TP53BP2: variants seen among roughly 807,000 people sequenced by gnomAD.
The protein encoded by TP53BP2 is tumor protein p53 binding protein 2, also known as apoptosis-stimulating of p53 protein 2.
A neutral mutation model predicts 126.2 loss-of-function variants in TP53BP2; 62 were observed. That is an observed-to-expected ratio of 0.49 (90% CI 0.40 to 0.61). TP53BP2 has a LOEUF of 0.61. Among genes scored for constraint, TP53BP2 ranks in the 20% least tolerant of loss-of-function variants. The pLI is 0.00. For synonymous variants in TP53BP2, 485 were observed against 502.9 expected (o/e 0.96, Z 0.48); for missense variants, 1,215 against 1,402.8 (o/e 0.87, Z 2.14).
intron 15 of TP53BP2, among the ~76,000 whole-genome samples, chr1:223,790,156 G>C (rs113701794): frequency 0.031 from 4,697 of 151,998 alleles, 244 homozygotes; most frequent in African/African-American, 0.11. Context: ...TACTGGGGAG[G>C]CTGAGGCATG....
intron 1 of TP53BP2, among the ~76,000 whole-genome samples, chr1:223,823,815 C>T (rs774036051): frequency 2.7e-4 from 41 of 152,172 alleles, no homozygotes; most frequent in Non-Finnish European, 4.7e-4. Context: ...TACTCCCTAC[C>T]GATGCAAAAA....
At chr1:223,786,175 G>A (rs1481252773) in intron 16 of TP53BP2, among the ~76,000 whole-genome samples, 1 of 152,100 alleles carries the variant, frequency 6.6e-6, no homozygotes, top group Non-Finnish European at 1.5e-5. Context: ...TTATATAAAG[G>A]GCAAAAACAA....
At chr1:223,785,148 G>A (rs1661907452) in intron 16 of TP53BP2, among the ~76,000 whole-genome samples, 1 of 152,190 alleles carries the variant, frequency 6.6e-6, no homozygotes, top group African/African-American at 2.4e-5. Context: ...AAAGTTCTCA[G>A]CAATTCAGAA....
rs949135776 is a variant in TP53BP2, at chr1:223,796,996, C to A, written c.1949-406G>T. Among the ~76,000 whole-genome samples, 1 of 152,172 alleles carries A rather than the reference C, an allele frequency of 6.6e-6. No individual in the cohort carries two copies. The highest frequency in any genetic ancestry group is 1.5e-5 in the Non-Finnish European group (1 of 68,028). ...CTTTCACTTTTCAAAAGTGAATCAA[C>A]GTGAGAACTTCTATTTGGCTTATAA... On this transcript the variant is annotated intron_variant, in intron 12 of 17. Coordinates refer to ENST00000343537, the MANE Select transcript of TP53BP2 (RefSeq NM_001031685.3). The surrounding 1 kb of genome is among the most constrained non-coding windows in gnomAD (Gnocchi z 4.2).
intron 1 of TP53BP2, chr1:223,845,151 C>G: frequency 1.4e-6 from 1 of 709,918 alleles, no homozygotes; most frequent in Non-Finnish European, 1.7e-6. Context: ...TTTACCAAAA[C>G]CCCTTTCCAC....
Position 223,806,824 on chromosome 1 carries a change from C to CA in TP53BP2, c.474+21dup, listed in dbSNP as rs534735699. ...AGGCGACAGAGTGAGCATTCATCTCCAAAAAAAAAGGACGATACTACCTTA... is the reference window on the plus strand; with the variant it reads ...AGGCGACAGAGTGAGCATTCATCTCCAAAAAAAAAAGGACGATACTACCTTA... On this transcript the variant is annotated intron_variant, in intron 5 of 17. Coordinates refer to ENST00000343537, the MANE Select transcript of TP53BP2 (RefSeq NM_001031685.3). 1,355 of 1,536,544 alleles carry CA rather than the reference C, an allele frequency of 8.8e-4. 1 individual carries two copies. Among genetic ancestry groups the CA allele is most frequent in the Admixed American group, 1.6e-3 (94 of 57,382 alleles).
chr1:223,839,012 CTTTTT>C (rs75469632), intron 1 of TP53BP2, among the ~76,000 whole-genome samples: 2 of 140,730 alleles, frequency 1.4e-5, no homozygotes, highest in Non-Finnish European at 3.1e-5. Flanking sequence ...CCATTTTTTT[CTTTTT>C]TTTTTTTTTC....
In TP53BP2 at chr1:223,828,904, T is replaced by C. The variant is rs117790179; in HGVS notation, c.28-7537A>G. ...GAAAATGTTCTGTAATTAGTGGTGA[T>C]AGCAGCACAACCTTGTGAATATACT... On this transcript the variant is annotated intron_variant, in intron 1 of 17. Coordinates refer to ENST00000343537, the MANE Select transcript of TP53BP2 (RefSeq NM_001031685.3). 4.6e-3 allele frequency among the ~76,000 whole-genome samples: 694 copies of C among 152,238 alleles called. 27 individuals carry two copies. In the East Asian group the frequency reaches 0.1, roughly 23 times the overall value.
intron 1 of TP53BP2, among the ~76,000 whole-genome samples, chr1:223,840,470 GTTC>G (rs1383654155): frequency 6.6e-6 from 1 of 152,210 alleles, no homozygotes; most frequent in African/African-American, 2.4e-5. Context: ...CTTAATTCCT[GTTC>G]TTCTTATTCT....
intron 1 of TP53BP2, among the ~76,000 whole-genome samples, chr1:223,826,254 C>T (rs1663490727): frequency 6.6e-6 from 1 of 152,232 alleles, no homozygotes; most frequent in Admixed American, 6.5e-5. Context: ...TCTTTATAGG[C>T]TGGAGGTTCC....
chr1:223,807,431 C>T (rs969864076), intron 4 of TP53BP2, among the ~76,000 whole-genome samples: 3 of 152,084 alleles, frequency 2.0e-5, no homozygotes, highest in Non-Finnish European at 4.4e-5. Context: ...AACATCTATT[C>T]AACATTGTCC....
intron 1 of TP53BP2, chr1:223,834,725 C>A: frequency 1.4e-6 from 1 of 719,204 alleles, no homozygotes; most frequent in Non-Finnish European, 1.7e-6. Context: ...GAGTAGCTCA[C>A]CTGATTCCTA....
chr1:223,806,340 G>A (rs1354075330), intron 5 of TP53BP2, among the ~76,000 whole-genome samples: 2 of 152,054 alleles, frequency 1.3e-5, no homozygotes, highest in Non-Finnish European at 2.9e-5. Flanking sequence ...GAACAATTAG[G>A]ATGATACAAG....
intron 5 of TP53BP2, among the ~76,000 whole-genome samples, chr1:223,806,084 T>TC (rs150655998): frequency 0.017 from 2,612 of 152,122 alleles, 83 homozygotes; most frequent in African/African-American, 0.06. Context: ...TAAAGAATGT[T>TC]CCCCAAATAA....
chr1:223,803,749 G>T (rs1207050363), intron 6 of TP53BP2, among the ~76,000 whole-genome samples: 2 of 152,068 alleles, frequency 1.3e-5, no homozygotes, highest in African/African-American at 4.8e-5. Context: ...ACATTAGGTG[G>T]ATCTATTAAA....
chr1:223,845,472 A>T (rs893543566), intron 1 of TP53BP2, among the ~76,000 whole-genome samples, 182 bp downstream of exon 1: 9 of 152,140 alleles, frequency 5.9e-5, no homozygotes, highest in African/African-American at 2.2e-4. Context: ...CTGTGGGCGC[A>T]GAGCCCAGAG....
At chr1:223,792,321 C>A in intron 15 of TP53BP2, 68 bp downstream of exon 15, 2 of 1,521,076 alleles carry the variant, frequency 1.3e-6, no homozygotes, top group Non-Finnish European at 1.8e-6. Flanking sequence ...TCCAACAGCA[C>A]TATGACAACT....
rs200843876 is a variant in TP53BP2 at position 223,786,521 on chromosome 1, AAATT to A, written c.3164-2211_3164-2208del. ...CTAAATATAGGTCAGATGGTCAATA[AAATT>A]AATACAGCAAAACACATATTAACAC... On this transcript the variant is annotated intron_variant, in intron 16 of 17. Coordinates refer to ENST00000343537, the MANE Select transcript of TP53BP2 (RefSeq NM_001031685.3). Among the ~76,000 whole-genome samples the A allele has an allele frequency of 2.0e-3, 297 of 152,222 alleles. 2 individuals are homozygous for A. Among genetic ancestry groups the A allele is most frequent in the African/African-American group, 5.3e-3 (219 of 41,542 alleles).
intron 1 of TP53BP2, among the ~76,000 whole-genome samples, chr1:223,837,544 T>C (rs1049184381): frequency 6.6e-6 from 1 of 152,148 alleles, no homozygotes; most frequent in African/African-American, 2.4e-5. Context: ...AAACAATTTA[T>C]TAGAGCAAGT....
Sources: gnomAD v4.1 joint callset for allele counts (sites outside exome capture counted in the v4.1 genomes callset) on GRCh38, gnomAD v4.1.1 for gene constraint, Gnocchi (gnomAD v3.1) non-coding constraint, MANE v1.5 for transcripts, NCBI Gene and HGNC (gene_info 2026-07-23, HGNC 2026-07-21) for gene names.